Variants in CYYR1 observed in about 807,000 individuals in gnomAD.
CYYR1 encodes the protein cysteine and tyrosine rich 1.
Under a neutral mutation model 15.2 loss-of-function variants are expected in CYYR1, and 14 were observed. That is an observed-to-expected ratio of 0.92 (90% CI 0.61 to 1.44). The LOEUF (loss-of-function observed/expected upper bound fraction) is 1.44, where lower values mean the gene tolerates loss of function less well. Among genes scored for constraint, CYYR1 ranks in the 40% most tolerant of loss-of-function variants. The probability of loss-of-function intolerance (pLI) is 0.00; values close to 1 mark genes in which losing one functional copy is unlikely to be tolerated. For synonymous variants in CYYR1, 80 were observed against 77.4 expected (o/e 1.03, Z -0.18); for missense variants, 228 against 209.5 (o/e 1.09, Z -0.54).
chr21:26,526,600 T>C (rs2065869504), intron 2 of CYYR1, among the ~76,000 whole-genome samples: 1 of 152,240 alleles, frequency 6.6e-6, no homozygotes, highest in South Asian at 2.1e-4. Flanking sequence ...ATTTCAAAAG[T>C]ATTTAAAATA....
At chr21:26,478,009 C>A in intron 3 of CYYR1, 2 of 1,538,482 alleles carry the variant, frequency 1.3e-6, no homozygotes. Flanking sequence ...TAATTCAGGT[C>A]TTTTCATGAG....
At chr21:26,531,987 C>A (rs889284161) in intron 2 of CYYR1, among the ~76,000 whole-genome samples, 2 of 151,924 alleles carry the variant, frequency 1.3e-5, no homozygotes, top group Admixed American at 1.3e-4. Flanking sequence ...CTCTGGCCTG[C>A]AACTAAGTTC....
chr21:26,512,926 A>C (rs562778466), intron 2 of CYYR1, among the ~76,000 whole-genome samples: 2 of 152,260 alleles, frequency 1.3e-5, no homozygotes, highest in South Asian at 4.1e-4. Context: ...TCATCAAAGT[A>C]AGTGCTTTTC....
chr21:26,560,036 G>A (rs1980090084), intron 2 of CYYR1, among the ~76,000 whole-genome samples: 1 of 152,058 alleles, frequency 6.6e-6, no homozygotes, highest in African/African-American at 2.4e-5. Flanking sequence ...AGGAAGAACT[G>A]CCATGTTTAA....
chr21:26,476,815 C>A (rs1170876724), intron 3 of CYYR1, among the ~76,000 whole-genome samples: 1 of 151,920 alleles, frequency 6.6e-6, no homozygotes, highest in African/African-American at 2.4e-5. Context: ...ATGTGTATAT[C>A]CCAAACCTGC....
chr21:26,473,015 TTAAA>T (rs1167180521), intron 3 of CYYR1, among the ~76,000 whole-genome samples: 10 of 152,184 alleles, frequency 6.6e-5, no homozygotes, highest in African/African-American at 2.2e-4. Flanking sequence ...ATGTGGCTTA[TTAAA>T]TAATCCTCAA....
intron 2 of CYYR1, among the ~76,000 whole-genome samples, chr21:26,511,672 T>C (rs2065650296): frequency 6.6e-6 from 1 of 152,224 alleles, no homozygotes; most frequent in African/African-American, 2.4e-5. Flanking sequence ...GATTGCAAAG[T>C]GAAGGCTTCT....
chr21:26,512,771 C>T (rs1159040198), intron 2 of CYYR1, among the ~76,000 whole-genome samples: 2 of 152,102 alleles, frequency 1.3e-5, no homozygotes, highest in South Asian at 4.1e-4. Context: ...ACATAGACCA[C>T]GTGGCCTGCA....
At chr21:26,480,611 T>C (rs1298473752) in intron 2 of CYYR1, among the ~76,000 whole-genome samples, 182 bp from the exon 3 acceptor site, 1 of 151,666 alleles carries the variant, frequency 6.6e-6, no homozygotes, top group Non-Finnish European at 1.5e-5. Context: ...ATAAAGCAAA[T>C]AGTCTGTATT....
intron 3 of CYYR1, among the ~76,000 whole-genome samples, chr21:26,477,170 G>A (rs915208563): frequency 1.3e-5 from 2 of 152,136 alleles, no homozygotes; most frequent in African/African-American, 2.4e-5. Flanking sequence ...TATACAATAA[G>A]TTGGGTTGTT....
intron 2 of CYYR1, among the ~76,000 whole-genome samples, chr21:26,508,278 G>A (rs567621310): frequency 1.6e-4 from 25 of 152,282 alleles, no homozygotes; most frequent in Non-Finnish European, 3.2e-4. Flanking sequence ...ACTGGATCAT[G>A]AGGGGTCTTT....
chr21:26,550,225 A>G (rs1299685228), intron 2 of CYYR1: 1 of 152,294 alleles, frequency 6.6e-6, no homozygotes, highest in South Asian at 2.1e-4. Context: ...CACAAACTGC[A>G]CCTGTATAAG....
Position 26,531,262 on chromosome 21 carries a change from T to C in CYYR1, c.176+35004A>G, listed in dbSNP as rs187151966. ...GGAAGCTGGATTGGATGGATGACTA[T>C]TGCAAGATTGTGTTATTCCTTGACA... is the stretch of plus-strand genomic sequence containing the variant. On this transcript the variant is annotated intron_variant, in intron 2 of 3. Transcript: ENST00000652641. Among the ~76,000 whole-genome samples, 280 of 152,266 alleles carry C rather than the reference T, an allele frequency of 1.8e-3. 1 individual carries two copies. Among genetic ancestry groups the C allele is most frequent in the African/African-American group, 6.5e-3 (269 of 41,560 alleles).
chr21:26,518,391 T>G (rs2065761016), intron 2 of CYYR1: 1 of 152,228 alleles, frequency 6.6e-6, no homozygotes, highest in Non-Finnish European at 1.5e-5. Context: ...ATTAAAGTTA[T>G]TATCCCAGGT....
intron 2 of CYYR1, among the ~76,000 whole-genome samples, chr21:26,542,079 G>T (rs1306826806): frequency 1.3e-5 from 2 of 152,072 alleles, no homozygotes. Context: ...GAGATTGTCA[G>T]AATTACTTAA....
At chr21:26,521,542 T>G (rs1015412740) in intron 2 of CYYR1, among the ~76,000 whole-genome samples, 1 of 152,200 alleles carries the variant, frequency 6.6e-6, no homozygotes, top group African/African-American at 2.4e-5. Context: ...ACATTCAAAT[T>G]AACATCAATC....
chr21:26,501,377 T>C (rs1021640939), intron 2 of CYYR1, among the ~76,000 whole-genome samples: 2 of 152,292 alleles, frequency 1.3e-5, no homozygotes, highest in Admixed American at 1.3e-4. Flanking sequence ...AAAAGGCCTG[T>C]TCTGAATAGA....
At position 26,480,524 on chromosome 21, in the gene CYYR1, T is replaced by C. The variant is rs575522750; in HGVS notation, c.177-95A>G. On this transcript the variant is annotated intron_variant, in intron 2 of 3. Coordinates refer to ENST00000652641, the MANE Select transcript of CYYR1 (RefSeq NM_001320768.2). Reference sequence around the variant, plus strand: ...CATGATTATAGGACAAGTGTTTTCTTACAAATGTTCTTAAGGATAATGTGT... The same window carrying C: ...CATGATTATAGGACAAGTGTTTTCTCACAAATGTTCTTAAGGATAATGTGT... 1,251 of 1,317,432 alleles carry C rather than the reference T, an allele frequency of 9.5e-4. 3 individuals are homozygous for C. The highest frequency in any genetic ancestry group is 1.4e-3 in the Middle Eastern group (7 of 5,134). The allele number at this position is 1,317,432 out of a possible 1,614,324, so 81.6% of individuals were successfully genotyped here.
intron 3 of CYYR1, among the ~76,000 whole-genome samples, chr21:26,472,352 T>A (rs2065046305): frequency 6.6e-6 from 1 of 152,098 alleles, no homozygotes; most frequent in Non-Finnish European, 1.5e-5. Flanking sequence ...TTTTTTAGAA[T>A]AAAATTCCAG....
Sources: allele counts gnomAD v4.1 joint callset (sites outside exome capture counted in the v4.1 genomes callset), GRCh38; gene constraint gnomAD v4.1.1; transcripts MANE v1.5; gene names NCBI Gene and HGNC (gene_info 2026-07-23, HGNC 2026-07-21).